The following ZCCHC4 variants were observed in gnomAD, a reference collection of about 807,000 sequenced individuals.
ZCCHC4 encodes the protein rRNA N(6)-adenosine-methyltransferase ZCCHC4.
Under a neutral mutation model 67.7 loss-of-function variants are expected in ZCCHC4, and 54 were observed. That is an observed-to-expected ratio of 0.80 (90% confidence interval 0.64 to 1.00). The LOEUF (loss-of-function observed/expected upper bound fraction) is 1.00. ZCCHC4 is among the 50% of genes least tolerant of loss of function. The pLI is 0.00. For synonymous variants in ZCCHC4, 198 were observed against 213.5 expected (o/e 0.93, Z 0.63); for missense variants, 609 against 617.0 (o/e 0.99, Z 0.14).
intron 3 of ZCCHC4, among the ~76,000 whole-genome samples, chr4:25,324,085 C>T (rs1173488588): frequency 1.6e-5 from 2 of 126,532 alleles, no homozygotes; most frequent in African/African-American, 3.0e-5. Flanking sequence ...AATCTCAGTT[C>T]ACTGCAATCT....
Position 25,361,858 on chromosome 4 carries a change from G to A in ZCCHC4, c.1012-1G>A, listed in dbSNP as rs1480555502. The A allele has an allele frequency of 1.2e-6, 2 of 1,600,558 alleles. No individual in the cohort carries two copies. The highest frequency in any genetic ancestry group is 1.7e-5 in the Admixed American group (1 of 57,588). On this transcript the variant is annotated splice_acceptor_variant, in intron 8 of 12. Transcript: ENST00000302874. LOFTEE classifies it high-confidence loss of function. ...TTCTGCTCTAATTTTTAACTTTCTA[G>A]GTAGATTATGATAATCATGCACTTT...
chr4:25,319,388 G>GA (rs879501804), intron 3 of ZCCHC4, among the ~76,000 whole-genome samples: 36 of 136,350 alleles, frequency 2.6e-4, no homozygotes, highest in South Asian at 2.3e-4. Flanking sequence ...CCGTCTCAAA[G>GA]AAAAAAAAAA....
In ZCCHC4 at chr4:25,369,728, C is replaced by T. The variant is rs1428417465; in HGVS notation, c.*564C>T. 1.3e-5 allele frequency: 2 copies of T among 152,442 alleles called. No homozygotes were observed. The highest frequency in any genetic ancestry group is 2.9e-5 in the Non-Finnish European group (2 of 68,208). The allele number at this position is 152,442 out of a possible 1,614,324, so 9.4% of individuals were successfully genotyped here. A position where few individuals can be genotyped will look rare whatever the true frequency, so the allele number is the denominator to read the frequency against. On this transcript the variant is annotated 3_prime_UTR_variant, in exon 13 of 13. Transcript: ENST00000302874. ...GGATTACAGGCATGAGCCACCTCAC[C>T]CAGCTCCGGTCACATTATTCTAGCC...
intron 8 of ZCCHC4, among the ~76,000 whole-genome samples, chr4:25,358,252 A>G (rs73098430): frequency 0.013 from 2,030 of 152,238 alleles, 45 homozygotes; most frequent in African/African-American, 0.045. Flanking sequence ...TCCATTTTTT[A>G]CCTTATGCCA....
In ZCCHC4 at chr4:25,364,465, A is replaced by G. The variant is rs779164943; in HGVS notation, c.1221A>G (p.Lys407=). 1.3e-6 allele frequency: 2 copies of G among 1,517,444 alleles called. No homozygotes were observed. Among genetic ancestry groups the G allele is most frequent in the Admixed American group, 2.1e-5 (1 of 47,014 alleles). The allele number at this position is 1,517,444 out of a possible 1,614,324, so 94.0% of individuals were successfully genotyped here. A position where few individuals can be genotyped will look rare whatever the true frequency, so the allele number is the denominator to read the frequency against. Residue 407 remains lysine (K), a synonymous_variant, in exon 11 of 13, where the codon AAA becomes AAG. Coordinates refer to ENST00000302874, the MANE Select transcript of ZCCHC4 (RefSeq NM_024936.3). ...CNSCTSKDGR[K]WNHCFLCKKC... ...TTTTTTTTTGGTAGGATGGCAGGAA[A>G]TGGAACCATTGCTTTCTCTGTAAAA...
At chr4:25,367,027 T>C (rs1720979441) in intron 12 of ZCCHC4, among the ~76,000 whole-genome samples, 1 of 152,202 alleles carries the variant, frequency 6.6e-6, no homozygotes, top group Admixed American at 6.5e-5. Context: ...TCAAAAAATA[T>C]ATATAGTGAA....
chr4:25,362,505 G>A (rs888342768), intron 10 of ZCCHC4, among the ~76,000 whole-genome samples: 7 of 151,946 alleles, frequency 4.6e-5, no homozygotes, highest in Admixed American at 4.6e-4. Context: ...TCATTATCAC[G>A]AACTCATTTT....
intron 5 of ZCCHC4, among the ~76,000 whole-genome samples, chr4:25,338,978 C>T (rs910114804): frequency 1.3e-5 from 2 of 152,162 alleles, no homozygotes; most frequent in African/African-American, 2.4e-5. Flanking sequence ...AATTTATTCT[C>T]TCACAGTTCT....
rs1050656397 is a variant in ZCCHC4, at chr4:25,365,260, G to T, written c.1406+94G>T. On this transcript the variant is annotated intron_variant, in intron 12 of 12. Transcript: ENST00000302874. ...TGCAACATTCAGAGGATCTTGAAGT[G>T]CCAAGTTAATTGTCACTTTCACTAT... 2.6e-6 allele frequency: 4 copies of T among 1,541,568 alleles called. No individual in the cohort carries two copies. The African/African-American group carries it at 4.1e-5, about 16-fold the overall frequency.
intron 8 of ZCCHC4, among the ~76,000 whole-genome samples, chr4:25,357,274 A>G (rs1350514035): frequency 6.6e-6 from 1 of 152,196 alleles, no homozygotes; most frequent in Non-Finnish European, 1.5e-5. Flanking sequence ...GTTCATTCCC[A>G]TTATTTTTCA....
At chr4:25,346,166 GT>G (rs1164370733) in intron 6 of ZCCHC4, among the ~76,000 whole-genome samples, 3 of 151,918 alleles carry the variant, frequency 2.0e-5, no homozygotes, top group African/African-American at 7.3e-5. Context: ...GGCTGGGAGT[GT>G]ACGGAAAATC....
intron 1 of ZCCHC4, among the ~76,000 whole-genome samples, chr4:25,313,181 A>G (rs1444005258): frequency 6.6e-6 from 1 of 152,166 alleles, no homozygotes; most frequent in Non-Finnish European, 1.5e-5. Context: ...AGGGGCAGAA[A>G]AGTAGGCAAA....
At chr4:25,365,428 G>A in intron 12 of ZCCHC4, 5 of 1,216,038 alleles carry the variant, frequency 4.1e-6, no homozygotes, top group Non-Finnish European at 5.2e-6. Flanking sequence ...ACCTCTCCTT[G>A]GCTTTACGTC....
intron 3 of ZCCHC4, among the ~76,000 whole-genome samples, chr4:25,325,955 G>C (rs1173339433): frequency 6.6e-6 from 1 of 152,086 alleles, no homozygotes; most frequent in Non-Finnish European, 1.5e-5. Flanking sequence ...ACCATTTGTT[G>C]ATAATATTAT....
chr4:25,324,631 A>G (rs1718765047), intron 3 of ZCCHC4, among the ~76,000 whole-genome samples: 1 of 152,222 alleles, frequency 6.6e-6, no homozygotes, highest in Non-Finnish European at 1.5e-5. Flanking sequence ...AAAACTGCCA[A>G]ACTTTTCCAA....
intron 10 of ZCCHC4, among the ~76,000 whole-genome samples, chr4:25,364,079 C>T (rs1015078374): frequency 6.6e-6 from 1 of 152,174 alleles, no homozygotes; most frequent in Non-Finnish European, 1.5e-5. Context: ...GTAAAGTTCT[C>T]AAATATGAAT....
intron 3 of ZCCHC4, among the ~76,000 whole-genome samples, chr4:25,330,148 G>A (rs527716936): frequency 3.5e-4 from 53 of 151,940 alleles, no homozygotes; most frequent in Non-Finnish European, 1.8e-4. Flanking sequence ...GCTCCACCAC[G>A]CCTGGCTAAT....
chr4:25,334,085 G>A, intron 5 of ZCCHC4, 97 bp downstream of exon 5: 5 of 696,334 alleles, frequency 7.2e-6, no homozygotes, highest in Non-Finnish European at 1.1e-5. Context: ...CAACTCTTTA[G>A]TTTACATCTA....
At chr4:25,336,572 T>G (rs1444473481) in intron 5 of ZCCHC4, among the ~76,000 whole-genome samples, 1 of 152,136 alleles carries the variant, frequency 6.6e-6, no homozygotes, top group Non-Finnish European at 1.5e-5. Flanking sequence ...CTGTAACCAC[T>G]GCCTCCTGGG....
Sources: gnomAD v4.1 joint callset for allele counts (sites outside exome capture counted in the v4.1 genomes callset) on GRCh38, gnomAD v4.1.1 for gene constraint, MANE v1.5 for transcripts, NCBI Gene and HGNC (gene_info 2026-07-23, HGNC 2026-07-21) for gene names.